Variants in PPP6R2 observed in about 807,000 individuals in gnomAD.
PPP6R2 encodes the protein serine/threonine-protein phosphatase 6 regulatory subunit 2.
PPP6R2 carries 62 observed loss-of-function variants against 100.2 expected under a neutral mutation model. The observed-to-expected ratio is 0.62, with a 90% CI of 0.50 to 0.76. PPP6R2 has a LOEUF of 0.76. PPP6R2 is among the 30% of genes least tolerant of loss of function. The pLI, the probability that PPP6R2 is intolerant of heterozygous loss-of-function variation, is 0.00. For missense variants in PPP6R2, 1,142 were observed against 1,276.3 expected (o/e 0.89, Z 1.60); for synonymous variants, 525 against 514.7 (o/e 1.02, Z -0.27).
upstream of PPP6R2, among the ~76,000 whole-genome samples, chr22:50,338,351 G>A (rs1601852353): frequency 2.2e-5 from 3 of 138,870 alleles, no homozygotes; most frequent in East Asian, 6.6e-4. Flanking sequence ...AGTGTGTGTG[G>A]TATATGGTGT....
intron 13 of PPP6R2, among the ~76,000 whole-genome samples, chr22:50,435,341 C>T (rs928425520): frequency 6.6e-6 from 1 of 152,222 alleles, no homozygotes; most frequent in Non-Finnish European, 1.5e-5. Flanking sequence ...CAGTCCCTCC[C>T]GGGGTAGTTG....
intron 12 of PPP6R2, among the ~76,000 whole-genome samples, chr22:50,433,488 G>A (rs563305073): frequency 3.8e-5 from 3 of 78,196 alleles, no homozygotes; most frequent in African/African-American, 1.4e-4. Context: ...GGGTGCGGAC[G>A]CTGGGCAGGG....
intron 9 of PPP6R2, among the ~76,000 whole-genome samples, chr22:50,422,593 C>T (rs2061480852): frequency 6.6e-6 from 1 of 152,218 alleles, no homozygotes; most frequent in South Asian, 2.1e-4. Flanking sequence ...AAATGCTCAT[C>T]TCTGCCTCTG....
In PPP6R2 at chr22:50,435,574, CAT is replaced by C. The variant is rs572747448; in HGVS notation, c.1516+494_1516+495del. Among the ~76,000 whole-genome samples the C allele has an allele frequency of 1.1e-3, 160 of 152,304 alleles. 1 individual carries two copies. The highest frequency in any genetic ancestry group is 3.6e-3 in the African/African-American group (148 of 41,558). On this transcript the variant is annotated intron_variant, in intron 13 of 23. Transcript: ENST00000612753. ...GGGTTAGGTGGGCGCAGGCACAGCACATGTGTGGCAGAGGCGGGCCCAGCTGT... is the reference window on the plus strand; with the variant it reads ...GGGTTAGGTGGGCGCAGGCACAGCACGTGTGGCAGAGGCGGGCCCAGCTGT...
chr22:50,361,712 G>C (rs2047824915), intron 1 of PPP6R2, among the ~76,000 whole-genome samples: 1 of 152,032 alleles, frequency 6.6e-6, no homozygotes, highest in Non-Finnish European at 1.5e-5. Flanking sequence ...CTGCTCGTCT[G>C]CCTTTGACTC....
At chr22:50,416,382 G>A (rs1204254357) in intron 6 of PPP6R2, among the ~76,000 whole-genome samples, 1 of 151,056 alleles carries the variant, frequency 6.6e-6, no homozygotes, top group East Asian at 2.0e-4. Flanking sequence ...GGGCTGGAGT[G>A]CAGTGGTGCA....
rs1030012006 is a variant in PPP6R2, at chr22:50,418,750, C to T, written c.619-117C>T. The stretch of plus-strand genomic sequence containing the variant: ...ACATCACAGTGGTATTGAACAACAA[C>T]GAAAGTCTAGCATCTGCCAGAGAAG... On this transcript the variant is annotated intron_variant, in intron 6 of 23. Coordinates refer to ENST00000612753, the MANE Select transcript of PPP6R2 (RefSeq NM_001242898.2). The T allele has an allele frequency of 6.0e-5, 47 of 777,490 alleles. 1 individual carries two copies. The highest frequency in any genetic ancestry group is 3.8e-4 in the South Asian group (23 of 61,098). 48.2% of individuals were successfully genotyped at this position (777,490 alleles called of 1,614,324 possible). A position where few individuals can be genotyped will look rare whatever the true frequency, so the allele number is the denominator to read the frequency against.
intron 19 of PPP6R2, 104 bp downstream of exon 19, chr22:50,438,866 G>A: frequency 2.5e-6 from 3 of 1,186,516 alleles, no homozygotes; most frequent in Non-Finnish European, 3.5e-6. Context: ...GGCATTTGGG[G>A]CTCACTGTGG....
chr22:50,334,177 C>G, the PPP6R2 span, among the ~76,000 whole-genome samples: 1 of 152,238 alleles, frequency 6.6e-6, no homozygotes, highest in African/African-American at 2.4e-5. Context: ...GCGGGCGGGC[C>G]TGACTGATGT....
chr22:50,393,858 G>C (rs374969076), intron 2 of PPP6R2, 35 bp from the exon 3 acceptor site: 1 of 1,611,244 alleles, frequency 6.2e-7, no homozygotes, highest in Non-Finnish European at 8.5e-7. Flanking sequence ...GATTTGCAAG[G>C]GTGAGAGACG....
intron 10 of PPP6R2, among the ~76,000 whole-genome samples, chr22:50,428,481 C>G (rs1395595414): frequency 2.6e-5 from 4 of 152,034 alleles, no homozygotes; most frequent in Non-Finnish European, 5.9e-5. Flanking sequence ...GAGGCCTACA[C>G]AGGAGGATTG....
At chr22:50,414,226 C>T (rs754371690) in intron 4 of PPP6R2, among the ~76,000 whole-genome samples, 2 of 151,324 alleles carry the variant, frequency 1.3e-5, no homozygotes, top group Non-Finnish European at 2.9e-5. Flanking sequence ...TGGAAAAACC[C>T]GAACCAGTAG....
chr22:50,444,284 G>A lies in PPP6R2; in HGVS notation c.*37G>A. 2 of 1,602,120 alleles carry A rather than the reference G, an allele frequency of 1.2e-6. No homozygotes were observed. The highest frequency in any genetic ancestry group is 1.7e-6 in the Non-Finnish European group (2 of 1,175,994). On this transcript the variant is annotated 3_prime_UTR_variant, in exon 24 of 24. Coordinates refer to ENST00000612753, the MANE Select transcript of PPP6R2 (RefSeq NM_001242898.2). ...CCCGGCCACGGCCCACCCTGGTCAG[G>A]CTGCCTCCTTAATCGAGAAAACTAC...
chr22:50,396,600 C>T (rs529150937), intron 3 of PPP6R2, among the ~76,000 whole-genome samples: 1 of 152,290 alleles, frequency 6.6e-6, no homozygotes, highest in Non-Finnish European at 1.5e-5. Flanking sequence ...GACACAGCCA[C>T]ACTCATCCAC....
rs757598560 is a variant in PPP6R2, at chr22:50,440,805, G to A, written c.2375-17G>A. 3 of 1,612,540 alleles carry A rather than the reference G, an allele frequency of 1.9e-6. No individual in the cohort carries two copies. The highest frequency in any genetic ancestry group is 2.5e-6 in the Non-Finnish European group (3 of 1,179,964). On this transcript the variant is annotated splice_polypyrimidine_tract_variant and intron_variant, in intron 21 of 23. Coordinates refer to ENST00000612753, the MANE Select transcript of PPP6R2 (RefSeq NM_001242898.2). ...CCCTCCTGCCTCACTGGACAGCACA[G>A]GCCTCCTACTTTGCAGTCAGCCCGG... is the stretch of plus-strand genomic sequence containing the variant.
intron 14 of PPP6R2, 132 bp from the exon 15 acceptor site, chr22:50,436,856 A>G: frequency 1.3e-6 from 1 of 749,376 alleles, no homozygotes; most frequent in Non-Finnish European, 2.3e-6. Flanking sequence ...TCCTGGGCCC[A>G]GAGATCTGAT....
At chr22:50,429,129 C>T (rs998809811) in intron 10 of PPP6R2, among the ~76,000 whole-genome samples, 3 of 152,024 alleles carry the variant, frequency 2.0e-5, no homozygotes, top group Non-Finnish European at 4.4e-5. Flanking sequence ...CTCCTGGGCT[C>T]AGGCGATTCT....
At position 50,422,322 on chromosome 22, in the gene PPP6R2, T is replaced by C; in HGVS notation, c.914T>C (p.Leu305Pro). The C allele has an allele frequency of 6.2e-7, 1 of 1,614,142 alleles. No individual in the cohort carries two copies. Among genetic ancestry groups the C allele is most frequent in the Non-Finnish European group, 8.5e-7 (1 of 1,180,006 alleles). ...ERSYAVSSSV[L>P]HGIEPRLKDF... ...TCATACGCTGTCAGCAGCAGCGTAC[T>C]ACACGGCATCGAGCCTCGGCTGAAG... The change falls in exon 9 of 24, where the codon CTA becomes CCA. Residue 305 changes from leucine (L) to proline (P), a missense_variant. Coordinates refer to ENST00000612753, the MANE Select transcript of PPP6R2 (RefSeq NM_001242898.2).
At chr22:50,416,213 C>T (rs538714454) in intron 6 of PPP6R2, 56 bp downstream of exon 6, 1 of 1,492,566 alleles carries the variant, frequency 6.7e-7, no homozygotes, top group East Asian at 2.3e-5. Flanking sequence ...GCTGCCAGGT[C>T]ACCCACTGCT....
Sources: allele counts gnomAD v4.1 joint callset (sites outside exome capture counted in the v4.1 genomes callset), GRCh38; gene constraint gnomAD v4.1.1; transcripts MANE v1.5; gene names NCBI Gene and HGNC (gene_info 2026-07-23, HGNC 2026-07-21).